PLPPR1: variants seen among roughly 807,000 people sequenced by gnomAD.
The protein encoded by PLPPR1 is phospholipid phosphatase related 1.
In PLPPR1, 10 loss-of-function variants were observed where a neutral mutation model predicts 33.1. The ratio of observed to expected loss-of-function variants is 0.30; its 90% CI spans 0.19 to 0.51. The LOEUF is 0.51. PLPPR1 is among the 20% of genes least tolerant of loss of function. PLPPR1 has a pLI of 0.97. For synonymous variants in PLPPR1, 151 were observed against 151.0 expected (o/e 1.00, Z 0.00); for missense variants, 304 against 408.1 (o/e 0.74, Z 2.20).
At chr9:101,251,266 T>C (rs866529824) in intron 2 of PLPPR1, among the ~76,000 whole-genome samples, 2 of 152,120 alleles carry the variant, frequency 1.3e-5, no homozygotes, top group Non-Finnish European at 1.5e-5. Flanking sequence ...AAAAGTTTAG[T>C]GAATGAATCA....
chr9:101,250,996 A>T (rs747330075), intron 2 of PLPPR1, among the ~76,000 whole-genome samples: 4 of 151,990 alleles, frequency 2.6e-5, no homozygotes, highest in Non-Finnish European at 5.9e-5. Context: ...GGGTTCACTA[A>T]CTAGCTGATC....
At chr9:101,254,629 TG>T (rs1827767323) in intron 2 of PLPPR1, among the ~76,000 whole-genome samples, 1 of 152,136 alleles carries the variant, frequency 6.6e-6, no homozygotes. Flanking sequence ...ATCCAATAGT[TG>T]CTAATATCCA....
intron 2 of PLPPR1, among the ~76,000 whole-genome samples, chr9:101,214,120 G>A (rs1826739412): frequency 6.6e-6 from 1 of 152,168 alleles, no homozygotes; most frequent in Non-Finnish European, 1.5e-5. Context: ...TAATAAAAAA[G>A]GGAGCTTAGG....
chr9:101,202,412 T>G (rs145738519), intron 2 of PLPPR1, among the ~76,000 whole-genome samples: 1 of 152,338 alleles, frequency 6.6e-6, no homozygotes, highest in Non-Finnish European at 1.5e-5. Context: ...GGTTGCATAT[T>G]TAGAAGTCTA....
intron 1 of PLPPR1, among the ~76,000 whole-genome samples, chr9:101,162,105 T>TA (rs35736417): frequency 0.053 from 7,714 of 146,136 alleles, 684 homozygotes; most frequent in African/African-American, 0.18. Flanking sequence ...CCACAATTGT[T>TA]AAAAAAAAAA....
chr9:101,176,044 T>G lies in PLPPR1; in HGVS notation c.-45-9406T>G, dbSNP rs1013018523. Among the ~76,000 whole-genome samples, 11 of 152,220 alleles carry G rather than the reference T, an allele frequency of 7.2e-5. No homozygotes were observed. In the East Asian group the frequency reaches 2.1e-3, roughly 29 times the overall value. On this transcript the variant is annotated intron_variant, in intron 1 of 7. Coordinates refer to ENST00000374874, the MANE Select transcript of PLPPR1 (RefSeq NM_207299.2). The stretch of plus-strand genomic sequence containing the variant: ...GCCTCAGGTGTCTCAGACCTGATAT[T>G]GGAGAAGCTGGCAACCACAAATGCC...
chr9:101,147,543 A>G (rs1459401855), intron 1 of PLPPR1, among the ~76,000 whole-genome samples: 7 of 152,158 alleles, frequency 4.6e-5, no homozygotes, highest in African/African-American at 1.7e-4. Context: ...TAGGAGAAAA[A>G]GAGACCCAGG....
chr9:101,260,392 A>G (rs1055197440), intron 2 of PLPPR1, among the ~76,000 whole-genome samples: 9 of 152,144 alleles, frequency 5.9e-5, no homozygotes, highest in Non-Finnish European at 1.0e-4. Context: ...GTTGGACAAG[A>G]TTTCAAAAGT....
intron 1 of PLPPR1, among the ~76,000 whole-genome samples, chr9:101,107,175 T>C (rs1409394291): frequency 9.4e-6 from 1 of 105,890 alleles, no homozygotes; most frequent in Non-Finnish European, 1.8e-5. Flanking sequence ...CATCCAGCTT[T>C]GTTCCGTTGC....
At chr9:101,171,946 G>T (rs1377751172) in intron 1 of PLPPR1, among the ~76,000 whole-genome samples, 2 of 151,062 alleles carry the variant, frequency 1.3e-5, no homozygotes, top group South Asian at 4.2e-4. Flanking sequence ...CTGAGTGTTG[G>T]GGAATATGAT....
intron 2 of PLPPR1, among the ~76,000 whole-genome samples, chr9:101,267,324 T>C (rs79056190): frequency 0.034 from 5,222 of 152,338 alleles, 125 homozygotes; most frequent in South Asian, 0.1. Context: ...AGTATCTCTC[T>C]CAATCTTTCA....
intron 1 of PLPPR1, among the ~76,000 whole-genome samples, chr9:101,029,670 C>A (rs1564125053): frequency 6.6e-6 from 1 of 152,196 alleles, no homozygotes; most frequent in Non-Finnish European, 1.5e-5. Context: ...GGGCGGCCTT[C>A]GGCTTTCTCA....
chr9:101,099,604 C>T (rs116319367), intron 1 of PLPPR1, among the ~76,000 whole-genome samples: 8 of 152,028 alleles, frequency 5.3e-5, no homozygotes, highest in Non-Finnish European at 8.8e-5. Context: ...CTAGACAATA[C>T]GATATGACAG....
At chr9:101,031,588 A>T (rs533379971) in intron 1 of PLPPR1, among the ~76,000 whole-genome samples, 1 of 152,216 alleles carries the variant, frequency 6.6e-6, no homozygotes, top group Non-Finnish European at 1.5e-5. Flanking sequence ...AAAGATAAGA[A>T]AGTAAAAAAT....
At chr9:101,165,003 T>C (rs1235873228) in intron 1 of PLPPR1, among the ~76,000 whole-genome samples, 2 of 152,140 alleles carry the variant, frequency 1.3e-5, no homozygotes, top group Non-Finnish European at 2.9e-5. Context: ...TCCACAGTTC[T>C]CCTTGGAACA....
At chr9:101,295,212 G>T (rs534455372) in intron 4 of PLPPR1, among the ~76,000 whole-genome samples, 1 of 151,926 alleles carries the variant, frequency 6.6e-6, no homozygotes, top group South Asian at 2.1e-4. Flanking sequence ...TTGCTTCAAA[G>T]AGAATAAAAT....
intron 1 of PLPPR1, among the ~76,000 whole-genome samples, chr9:101,063,389 G>A (rs955010207): frequency 6.6e-6 from 1 of 152,056 alleles, no homozygotes; most frequent in African/African-American, 2.4e-5. Context: ...TAAGCAGAGA[G>A]TGGAGAGGTT....
intron 2 of PLPPR1, among the ~76,000 whole-genome samples, chr9:101,201,617 A>G (rs1411954320): frequency 6.6e-6 from 1 of 152,172 alleles, no homozygotes; most frequent in African/African-American, 2.4e-5. Flanking sequence ...TCAGAGTTAA[A>G]TAGAGTTTTT....
intron 1 of PLPPR1, among the ~76,000 whole-genome samples, chr9:101,051,481 T>C (rs1438096394): frequency 6.6e-6 from 1 of 152,166 alleles, no homozygotes; most frequent in Non-Finnish European, 1.5e-5. Flanking sequence ...ATCAGATTTG[T>C]AGCCTTTCCA....
Sources: gnomAD v4.1 joint callset for allele counts (sites outside exome capture counted in the v4.1 genomes callset) on GRCh38, gnomAD v4.1.1 for gene constraint, MANE v1.5 for transcripts, NCBI Gene and HGNC (gene_info 2026-07-23, HGNC 2026-07-21) for gene names.